Variants in SYCP2L observed in about 807,000 individuals in gnomAD.
SYCP2L encodes synaptonemal complex protein 2 like.
SYCP2L carries 98 observed loss-of-function variants against 125.8 expected under a neutral mutation model. The ratio of observed to expected loss-of-function variants is 0.78; its 90% CI spans 0.66 to 0.92. The LOEUF is 0.92. SYCP2L is among the 40% of genes least tolerant of loss of function. The pLI, the probability that SYCP2L is intolerant of heterozygous loss-of-function variation, is 0.00. For synonymous variants in SYCP2L, 317 were observed against 325.4 expected (o/e 0.97, Z 0.28); for missense variants, 842 against 936.4 (o/e 0.90, Z 1.32).
intron 14 of SYCP2L, among the ~76,000 whole-genome samples, chr6:10,923,037 C>T (rs528610715): frequency 2.0e-5 from 3 of 152,094 alleles, no homozygotes; most frequent in South Asian, 2.1e-4. Context: ...TAATCCGATG[C>T]GTATTTTGTG....
intron 15 of SYCP2L, among the ~76,000 whole-genome samples, 167 bp from the exon 16 acceptor site, chr6:10,926,172 G>A (rs79631557): frequency 0.027 from 4,103 of 152,282 alleles, 208 homozygotes; most frequent in East Asian, 0.24. Context: ...GGTGGGGCCT[G>A]GAGAAGCCAG....
chr6:10,928,859 C>T (rs950370803), intron 18 of SYCP2L, among the ~76,000 whole-genome samples: 1 of 151,654 alleles, frequency 6.6e-6, no homozygotes, highest in African/African-American at 2.4e-5. Context: ...AATTTTTTGA[C>T]CATCCCCTCC....
chr6:10,888,842 T>C (rs1223481850), intron 1 of SYCP2L, among the ~76,000 whole-genome samples: 1 of 152,276 alleles, frequency 6.6e-6, no homozygotes, highest in East Asian at 1.9e-4. Flanking sequence ...GTTTATTTGA[T>C]GTCAGTTTAT....
Position 10,942,034 on chromosome 6 carries a change from C to T in SYCP2L, c.1814-425C>T, listed in dbSNP as rs536619954. Among the ~76,000 whole-genome samples the T allele has an allele frequency of 2.2e-4, 33 of 149,798 alleles. 1 individual carries two copies. The highest frequency in any genetic ancestry group is 2.0e-3 in the South Asian group (9 of 4,558). On this transcript the variant is annotated intron_variant, in intron 21 of 29. Transcript: ENST00000283141. ...ATGGATGAAGCTGGAAACCATCATT[C>T]TCAGCAAACTCGCAAGGATGAAAAA...
At position 10,954,602 on chromosome 6, in the gene SYCP2L, A is replaced by G. The variant is rs1039954542; in HGVS notation, c.1955-514A>G. 1.3e-5 allele frequency among the ~76,000 whole-genome samples: 2 copies of G among 152,172 alleles called. No homozygotes were observed. The highest frequency in any genetic ancestry group is 1.5e-5 in the Non-Finnish European group (1 of 68,036). On this transcript the variant is annotated intron_variant, in intron 23 of 29. Transcript: ENST00000283141. This position sits in a 1 kb window ranked among gnomAD's most constrained non-coding sequence, Gnocchi z 4.8. ...AATATTTAGTGTTATGCTGAATTGA[A>G]ATGGGAATCTATGTTCGAGTCTCTC... is the stretch of plus-strand genomic sequence containing the variant.
Position 10,907,609 on chromosome 6 carries a change from A to C in SYCP2L, c.744A>C (p.Glu248Asp). 6.2e-7 allele frequency: 1 copy of C among 1,614,018 alleles called. No individual in the cohort carries two copies. The highest frequency in any genetic ancestry group is 8.5e-7 in the Non-Finnish European group (1 of 1,179,954). The change falls in exon 10 of 30, where the codon GAA (glutamate) becomes GAC (aspartate). Residue 248 changes from glutamate to aspartate, a missense_variant. Glu to Asp is a conservative substitution (Grantham distance 45). Transcript: ENST00000283141. ...CRLTIKKSRD[E>D]LVHKWFDDEV... Reference sequence around the variant, plus strand: ...TGACGATTAAAAAATCAAGGGATGAACTTGTCCATAAATGGTTTGATGATG... The same window carrying C: ...TGACGATTAAAAAATCAAGGGATGACCTTGTCCATAAATGGTTTGATGATG...
At chr6:10,932,974 G>A (rs1285080409) in intron 20 of SYCP2L, among the ~76,000 whole-genome samples, 3 of 152,056 alleles carry the variant, frequency 2.0e-5, no homozygotes, top group Admixed American at 6.6e-5. Context: ...GGCTGGTTTC[G>A]AACTCCTGAT....
intron 4 of SYCP2L, among the ~76,000 whole-genome samples, 166 bp downstream of exon 4, chr6:10,894,370 A>C (rs1325577784): frequency 6.6e-6 from 1 of 152,264 alleles, no homozygotes; most frequent in East Asian, 1.9e-4. Context: ...TAAATTCGAC[A>C]TACATTTCCT....
At chr6:10,903,778 A>T (rs1780434140) in intron 8 of SYCP2L, among the ~76,000 whole-genome samples, 1 of 151,998 alleles carries the variant, frequency 6.6e-6, no homozygotes. Flanking sequence ...TAAAAATAAA[A>T]AAATAAAAAA....
intron 25 of SYCP2L, among the ~76,000 whole-genome samples, chr6:10,958,295 G>C (rs966035086): frequency 3.3e-5 from 5 of 152,040 alleles, no homozygotes; most frequent in Non-Finnish European, 5.9e-5. Flanking sequence ...CTTGGCTTCT[G>C]GGGAGGCCTC....
chr6:10,958,941 G>T, intron 26 of SYCP2L, 66 bp downstream of exon 26: 2 of 1,394,652 alleles, frequency 1.4e-6, no homozygotes, highest in South Asian at 2.4e-5. Context: ...TTTATCTCAT[G>T]ACCACTGTGC....
intron 23 of SYCP2L, among the ~76,000 whole-genome samples, chr6:10,947,899 A>G (rs949277745): frequency 5.3e-5 from 8 of 152,118 alleles, no homozygotes; most frequent in African/African-American, 1.9e-4. Flanking sequence ...AATTTTTACC[A>G]GGTTAAAGAA....
chr6:10,945,078 TC>T (rs1321586459), intron 23 of SYCP2L, among the ~76,000 whole-genome samples: 3 of 152,228 alleles, frequency 2.0e-5, no homozygotes, highest in Middle Eastern at 3.2e-3. Flanking sequence ...ATTTGTTAAT[TC>T]TCAGTGGTAT....
At chr6:10,958,697 TG>T in intron 25 of SYCP2L, 86 bp from the exon 26 acceptor site, 1 of 1,225,410 alleles carries the variant, frequency 8.2e-7, no homozygotes, top group Non-Finnish European at 1.2e-6. Context: ...TATTACATGC[TG>T]GCAGCATCTT....
chr6:10,896,740 C>T (rs777797097), intron 4 of SYCP2L, among the ~76,000 whole-genome samples: 46 of 152,278 alleles, frequency 3.0e-4, no homozygotes, highest in South Asian at 2.9e-3. Flanking sequence ...CTCTCACAAA[C>T]GTTCTTAAAC....
intron 14 of SYCP2L, among the ~76,000 whole-genome samples, chr6:10,917,139 C>G (rs1430276732): frequency 2.0e-5 from 3 of 152,148 alleles, no homozygotes; most frequent in Admixed American, 6.5e-5. Context: ...ATGGAATGTT[C>G]TGTATGTATC....
chr6:10,926,294 TA>T, intron 15 of SYCP2L, 44 bp from the exon 16 acceptor site: 20 of 1,399,380 alleles, frequency 1.4e-5, no homozygotes, highest in East Asian at 2.3e-5. Context: ...TTTTTTTTTT[TA>T]AAGATGACTA....
At chr6:10,946,226 T>C (rs1227369515) in intron 23 of SYCP2L, among the ~76,000 whole-genome samples, 1 of 152,176 alleles carries the variant, frequency 6.6e-6, no homozygotes, top group East Asian at 1.9e-4. Flanking sequence ...TTTTTACCTC[T>C]ACTCATTTGT....
At chr6:10,947,692 A>C (rs999250956) in intron 23 of SYCP2L, among the ~76,000 whole-genome samples, 2 of 152,056 alleles carry the variant, frequency 1.3e-5, no homozygotes, top group Non-Finnish European at 2.9e-5. Flanking sequence ...TATTACTTGC[A>C]AAAAATGATA....
Sources: allele counts gnomAD v4.1 joint callset (sites outside exome capture counted in the v4.1 genomes callset), GRCh38; gene constraint gnomAD v4.1.1; non-coding constraint Gnocchi (gnomAD v3.1); transcripts MANE v1.5; gene names NCBI Gene and HGNC (gene_info 2026-07-23, HGNC 2026-07-21).